The following CACNA1C variants were observed in gnomAD, a reference collection of about 807,000 sequenced individuals.
The protein encoded by CACNA1C is voltage-dependent L-type calcium channel subunit alpha-1C.
Under a neutral mutation model 229.0 loss-of-function variants are expected in CACNA1C, and 30 were observed. The ratio of observed to expected loss-of-function variants is 0.13; its 90% CI spans 0.10 to 0.18. CACNA1C has a LOEUF of 0.18. CACNA1C is among the 10% of genes least tolerant of loss of function. The probability of loss-of-function intolerance (pLI) is 1.00; values close to 1 mark genes in which losing one functional copy is unlikely to be tolerated. For missense variants in CACNA1C, 1,658 were observed against 2,845.0 expected (o/e 0.58, Z 9.49); for synonymous variants, 1,114 against 1,132.5 (o/e 0.98, Z 0.33).
chr12:2,327,212 C>T (rs977140099), intron 3 of CACNA1C, among the ~76,000 whole-genome samples: 2 of 152,230 alleles, frequency 1.3e-5, no homozygotes, highest in Non-Finnish European at 2.9e-5. Context: ...CCCAGACCTG[C>T]TCCTTGAGAT....
intron 7 of CACNA1C, among the ~76,000 whole-genome samples, chr12:2,502,089 C>G (rs2099761813): frequency 6.6e-6 from 1 of 152,242 alleles, no homozygotes; most frequent in Non-Finnish European, 1.5e-5. Context: ...TTGCCCCCCT[C>G]AGCCTCACGC....
chr12:2,489,327 A>G (rs905267059), intron 6 of CACNA1C, among the ~76,000 whole-genome samples: 1 of 152,198 alleles, frequency 6.6e-6, no homozygotes, highest in Non-Finnish European at 1.5e-5. Context: ...TTTCCAATAA[A>G]ATCCATAAAG....
Position 2,508,545 on chromosome 12 carries a change from C to T in CACNA1C, c.1217+3600C>T, listed in dbSNP as rs183358434. ...GGCAGCACCTATAGTCCCAGGTATT[C>T]GGGAAGCCGAGGTGGGAGGATCACT... On this transcript the variant is annotated intron_variant, in intron 8 of 46. Coordinates refer to ENST00000399655, the MANE Select transcript of CACNA1C (RefSeq NM_000719.7). Among the ~76,000 whole-genome samples, 543 of 152,252 alleles carry T rather than the reference C, an allele frequency of 3.6e-3. 5 individuals are homozygous for T. Among genetic ancestry groups the T allele is most frequent in the African/African-American group, 0.012 (510 of 41,558 alleles).
At chr12:2,611,013 T>C (rs1424788476) in intron 28 of CACNA1C, among the ~76,000 whole-genome samples, 25 of 108,240 alleles carry the variant, frequency 2.3e-4, no homozygotes, top group East Asian at 6.1e-4. Flanking sequence ...GAGCTGGATG[T>C]GTTCGTTGTT....
chr12:2,291,507 A>G (rs1282330633), intron 3 of CACNA1C, among the ~76,000 whole-genome samples: 1 of 152,232 alleles, frequency 6.6e-6, no homozygotes, highest in Non-Finnish European at 1.5e-5. Flanking sequence ...TAATTACTTC[A>G]AATTGAGATG....
chr12:2,639,138 A>G lies in CACNA1C; in HGVS notation c.3912+4758A>G, dbSNP rs141562639. Among the ~76,000 whole-genome samples the G allele has an allele frequency of 6.7e-3, 1,027 of 152,278 alleles. 15 individuals carry two copies. Among genetic ancestry groups the G allele is most frequent in the African/African-American group, 0.023 (944 of 41,552 alleles). ...CGGTCATGCTGAATTCAGCCTCAGT[A>G]TCTGAGCCATGGGCCCCGGCCCTTC... On this transcript the variant is annotated intron_variant, in intron 30 of 46. Transcript: ENST00000399655. The surrounding 1 kb of genome is among the most constrained non-coding windows in gnomAD (Gnocchi z 4.2).
rs1451817696 is a variant in CACNA1C at position 2,691,951 on chromosome 12, C to A, written c.*752C>A. ...TTGACAGCATGTTGCAGTTTCTTTTCGGTTTTGGTTTTTTTTAAATGTTTT... is the reference window on the plus strand; with the variant it reads ...TTGACAGCATGTTGCAGTTTCTTTTAGGTTTTGGTTTTTTTTAAATGTTTT... On this transcript the variant is annotated 3_prime_UTR_variant, in exon 47 of 47. Transcript: ENST00000399655. 3 of 152,162 alleles carry A rather than the reference C, an allele frequency of 2.0e-5. No homozygotes were observed. Among genetic ancestry groups the A allele is most frequent in the African/African-American group, 7.2e-5 (3 of 41,442 alleles). 9.4% of individuals were successfully genotyped at this position (152,162 alleles called of 1,614,324 possible). A position where few individuals can be genotyped will look rare whatever the true frequency, so the allele number is the denominator to read the frequency against.
intron 3 of CACNA1C, among the ~76,000 whole-genome samples, chr12:2,331,063 A>G (rs11062191): frequency 0.14 from 21,735 of 152,198 alleles, 2,107 homozygotes; most frequent in African/African-American, 0.27. Context: ...CTTAATATCC[A>G]TATTTAAATA....
At chr12:2,442,543 G>T (rs1181531758) in intron 3 of CACNA1C, among the ~76,000 whole-genome samples, 2 of 152,250 alleles carry the variant, frequency 1.3e-5, no homozygotes, top group African/African-American at 4.8e-5. Flanking sequence ...TCCACCCACT[G>T]TCAGAGGAGC....
chr12:2,113,484 G>T (rs1294372304), intron 1 of CACNA1C, among the ~76,000 whole-genome samples: 1 of 152,176 alleles, frequency 6.6e-6, no homozygotes, highest in African/African-American at 2.4e-5. Context: ...ATAAGGTTGA[G>T]CCAGCAACCT....
intron 1 of CACNA1C, among the ~76,000 whole-genome samples, chr12:2,002,179 G>A (rs896769670): frequency 6.6e-6 from 1 of 151,988 alleles, no homozygotes; most frequent in Non-Finnish European, 1.5e-5. Context: ...CCATTTTCAG[G>A]GCAATAAGAA....
chr12:2,596,249 T>C (rs1012409581), intron 20 of CACNA1C: 4 of 403,062 alleles, frequency 9.9e-6, no homozygotes, highest in African/African-American at 2.1e-5. Context: ...AGGACTTTCA[T>C]TGCCTGTGGA....
At chr12:2,304,713 C>G (rs1418463051) in intron 3 of CACNA1C, among the ~76,000 whole-genome samples, 1 of 152,214 alleles carries the variant, frequency 6.6e-6, no homozygotes, top group Non-Finnish European at 1.5e-5. Context: ...GGCCAGCCCT[C>G]TGCACCACAC....
At chr12:2,303,625 T>C (rs2094759992) in intron 3 of CACNA1C, among the ~76,000 whole-genome samples, 1 of 152,082 alleles carries the variant, frequency 6.6e-6, no homozygotes, top group South Asian at 2.1e-4. Flanking sequence ...CAAAATAGTA[T>C]GCTACCTCTA....
rs150415926 is a variant in CACNA1C at position 2,667,574 on chromosome 12, T to C, written c.4623+792T>C. On this transcript the variant is annotated intron_variant, in intron 37 of 46. Transcript: ENST00000399655. ...CAACAAAAACAGATTTTAAGAGATT[T>C]CCAAGGGCATAGAAAATATCAGAAA... Among the ~76,000 whole-genome samples, 47 of 152,200 alleles carry C rather than the reference T, an allele frequency of 3.1e-4. No homozygotes were observed. In the East Asian group the frequency reaches 8.3e-3, roughly 27 times the overall value.
intron 3 of CACNA1C, among the ~76,000 whole-genome samples, chr12:2,281,642 T>C (rs568593003): frequency 6.6e-6 from 1 of 152,330 alleles, no homozygotes; most frequent in East Asian, 1.9e-4. Flanking sequence ...ATAAGAAACC[T>C]GCTGTCCCTC....
chr12:2,380,436 G>T (rs553006990), intron 3 of CACNA1C, among the ~76,000 whole-genome samples: 2 of 152,214 alleles, frequency 1.3e-5, no homozygotes, highest in Non-Finnish European at 2.9e-5. Flanking sequence ...AGATTGGAAC[G>T]ATAGCAAGAG....
intron 30 of CACNA1C, among the ~76,000 whole-genome samples, chr12:2,643,388 A>T (rs2093964960): frequency 6.6e-6 from 1 of 152,024 alleles, no homozygotes; most frequent in Non-Finnish European, 1.5e-5. Flanking sequence ...CTCCACTCAC[A>T]CCAAACCAAA....
At chr12:2,159,868 T>C (rs1012659084) in intron 3 of CACNA1C, among the ~76,000 whole-genome samples, 6 of 152,166 alleles carry the variant, frequency 3.9e-5, no homozygotes, top group African/African-American at 1.2e-4. Context: ...CCTCCCAAAG[T>C]GCTGGGATTA....
Sources: gnomAD v4.1 joint callset for allele counts (sites outside exome capture counted in the v4.1 genomes callset) on GRCh38, gnomAD v4.1.1 for gene constraint, Gnocchi (gnomAD v3.1) non-coding constraint, MANE v1.5 for transcripts, NCBI Gene and HGNC (gene_info 2026-07-23, HGNC 2026-07-21) for gene names.